Variants in NUF2 observed in about 807,000 individuals in gnomAD.
The protein encoded by NUF2 is kinetochore protein Nuf2.
A neutral mutation model predicts 61.8 loss-of-function variants in NUF2; 34 were observed. That is an observed-to-expected ratio of 0.55 (90% CI 0.42 to 0.73). The LOEUF (loss-of-function observed/expected upper bound fraction) is 0.73, where lower values mean the gene tolerates loss of function less well. Among genes scored for constraint, NUF2 ranks in the 30% least tolerant of loss-of-function variants. The probability of loss-of-function intolerance (pLI) is 0.00; values close to 1 mark genes in which losing one functional copy is unlikely to be tolerated. For synonymous variants in NUF2, 172 were observed against 181.6 expected (o/e 0.95, Z 0.42); for missense variants, 445 against 539.1 (o/e 0.83, Z 1.73).
intron 2 of NUF2, among the ~76,000 whole-genome samples, chr1:163,327,159 A>G (rs1262529369): frequency 6.6e-6 from 1 of 151,228 alleles, no homozygotes; most frequent in East Asian, 1.9e-4. Flanking sequence ...ATGTGCCATT[A>G]TTTCTGCCAC....
At chr1:163,325,962 T>C in intron 1 of NUF2, 70 bp from the exon 2 acceptor site, 1 of 1,199,572 alleles carries the variant, frequency 8.3e-7, no homozygotes, top group Non-Finnish European at 1.2e-6. Context: ...TTTGTCATTA[T>C]GTTTATTAGT....
intron 5 of NUF2, among the ~76,000 whole-genome samples, chr1:163,330,553 CT>C (rs1650560047): frequency 6.6e-6 from 1 of 152,016 alleles, no homozygotes; most frequent in African/African-American, 2.4e-5. Context: ...TCCTTTGCAT[CT>C]CTATATGTAT....
At chr1:163,352,217 T>C (rs553021471) in intron 13 of NUF2, among the ~76,000 whole-genome samples, 20 of 152,212 alleles carry the variant, frequency 1.3e-4, no homozygotes, top group Non-Finnish European at 2.4e-4. Flanking sequence ...GTGGTACTCT[T>C]CATACATGTA....
chr1:163,338,155 A>C (rs932037485), intron 7 of NUF2, 62 bp downstream of exon 7: 39 of 1,220,452 alleles, frequency 3.2e-5, no homozygotes, highest in Non-Finnish European at 4.6e-5. Context: ...AATTGTAAGT[A>C]GTATTTTACA....
At chr1:163,338,148 TG>T (rs968395702) in intron 7 of NUF2, 55 bp downstream of exon 7, 2 of 1,373,350 alleles carry the variant, frequency 1.5e-6, no homozygotes, top group African/African-American at 2.9e-5. Flanking sequence ...CAAAATGAAT[TG>T]TAAGTAGTAT....
In NUF2 at chr1:163,347,751, T is replaced by A; in HGVS notation, c.949-12T>A. Reference sequence around the variant, plus strand: ...GGTTATGTTGACTTTAAATACTTCTTATAAAATACAGAGCCTGAACTTGGA... The same window carrying A: ...GGTTATGTTGACTTTAAATACTTCTAATAAAATACAGAGCCTGAACTTGGA... On this transcript the variant is annotated splice_polypyrimidine_tract_variant and intron_variant, in intron 11 of 13. Coordinates refer to ENST00000271452, the MANE Select transcript of NUF2 (RefSeq NM_145697.3). 6.7e-7 allele frequency: 1 copy of A among 1,488,134 alleles called. No individual in the cohort carries two copies. Among genetic ancestry groups the A allele is most frequent in the Non-Finnish European group, 9.0e-7 (1 of 1,116,466 alleles). The allele number at this position is 1,488,134 out of a possible 1,614,324, so 92.2% of individuals were successfully genotyped here.
chr1:163,332,038 GT>G (rs1329381952), intron 5 of NUF2, among the ~76,000 whole-genome samples: 1 of 150,990 alleles, frequency 6.6e-6, no homozygotes, highest in Non-Finnish European at 1.5e-5. Context: ...TTTTTTTCTA[GT>G]TTTGTTTTTT....
chr1:163,344,839 T>A (rs1004035094), intron 10 of NUF2, among the ~76,000 whole-genome samples: 2 of 151,942 alleles, frequency 1.3e-5, no homozygotes, highest in Admixed American at 6.6e-5. Flanking sequence ...GAGAAAAGGA[T>A]GATTTATTTA....
At chr1:163,322,831 A>G (rs1220096758) in intron 1 of NUF2, 3 of 152,234 alleles carry the variant, frequency 2.0e-5, no homozygotes, top group African/African-American at 4.8e-5. Flanking sequence ...ATTACTGCAT[A>G]TATATTAAGT....
intron 5 of NUF2, among the ~76,000 whole-genome samples, chr1:163,332,208 T>C (rs912675576): frequency 5.9e-5 from 9 of 152,150 alleles, no homozygotes; most frequent in African/African-American, 2.2e-4. Flanking sequence ...ATTTTCTAAT[T>C]TCCCTTTTGA....
chr1:163,324,069 T>C (rs1449454511), intron 1 of NUF2, among the ~76,000 whole-genome samples: 1 of 152,262 alleles, frequency 6.6e-6, no homozygotes, highest in East Asian at 1.9e-4. Flanking sequence ...TACAAAATAG[T>C]GTGTGTTAGA....
rs184239637 is a variant in NUF2 at position 163,325,087 on chromosome 1, G to A, written c.-20-945G>A. On this transcript the variant is annotated intron_variant, in intron 1 of 13. Coordinates refer to ENST00000271452, the MANE Select transcript of NUF2 (RefSeq NM_145697.3). ...AATTTTTATGTGTTTTGTAGAGATA[G>A]GGTTTCATCATGTTGCCCAGGCTGG... 3.3e-5 allele frequency among the ~76,000 whole-genome samples: 5 copies of A among 152,060 alleles called. No homozygotes were observed. In the East Asian group the frequency reaches 9.7e-4, roughly 29 times the overall value.
intron 5 of NUF2, among the ~76,000 whole-genome samples, chr1:163,331,274 A>G (rs971753829): frequency 6.6e-6 from 1 of 151,926 alleles, no homozygotes; most frequent in African/African-American, 2.4e-5. Flanking sequence ...TAGTGAGATA[A>G]TCATGGGTTT....
rs377021975 is a variant in NUF2, at chr1:163,349,057, G to C, written c.1237G>C (p.Glu413Gln). 5 of 1,607,774 alleles carry C rather than the reference G, an allele frequency of 3.1e-6. No individual in the cohort carries two copies. In the African/African-American group the frequency reaches 5.4e-5, roughly 17 times the overall value. ...AATTCAACAACTAAAAGATGCTGCT[G>C]AAAGGGAGAAACTGAAGTCCCAGGT... is the stretch of plus-strand genomic sequence containing the variant. ...LGIQQLKDAA[E>Q]REKLKSQEIF... Residue 413 changes from glutamate (E) to glutamine (Q), a missense_variant, in exon 13 of 14, where the codon GAA becomes CAA. Transcript: ENST00000271452.
chr1:163,351,124 AT>A (rs1651302803), intron 13 of NUF2, among the ~76,000 whole-genome samples: 1 of 152,010 alleles, frequency 6.6e-6, no homozygotes, highest in Admixed American at 6.6e-5. Context: ...TTACTATCCT[AT>A]TTACTGTCAT....
At chr1:163,339,557 G>A in intron 8 of NUF2, 80 bp downstream of exon 8, 1 of 777,174 alleles carries the variant, frequency 1.3e-6, no homozygotes, top group Non-Finnish European at 2.2e-6. Flanking sequence ...GGAGGTAACA[G>A]CACATTGCTT....
chr1:163,326,907 A>C (rs1650435325), intron 2 of NUF2, among the ~76,000 whole-genome samples: 1 of 152,144 alleles, frequency 6.6e-6, no homozygotes, highest in South Asian at 2.1e-4. Flanking sequence ...ATGCTCACCC[A>C]ATAAACTTGT....
rs543780180 is a variant in NUF2, at chr1:163,324,495, T to C, written c.-20-1537T>C. Among the ~76,000 whole-genome samples the C allele has an allele frequency of 9.8e-5, 12 of 122,596 alleles. No individual in the cohort carries two copies. In the South Asian group the frequency reaches 2.2e-3, roughly 23 times the overall value. 80.4% of individuals were successfully genotyped at this position (122,596 alleles called of 152,430 possible). A position where few individuals can be genotyped will look rare whatever the true frequency, so the allele number is the denominator to read the frequency against. ...GTTAGGCAAGTTGCCAAAGCTCCCC[T>C]TTTTAACCCTAAAATTCTAAAAAAA... On this transcript the variant is annotated intron_variant, in intron 1 of 13. Transcript: ENST00000271452.
intron 10 of NUF2, among the ~76,000 whole-genome samples, chr1:163,345,101 A>G (rs1651078941): frequency 6.6e-6 from 1 of 152,130 alleles, no homozygotes; most frequent in South Asian, 2.1e-4. Context: ...TGACAGGTAG[A>G]GGGATTATAT....
Sources: allele counts gnomAD v4.1 joint callset (sites outside exome capture counted in the v4.1 genomes callset), GRCh38; gene constraint gnomAD v4.1.1; transcripts MANE v1.5; gene names NCBI Gene and HGNC (gene_info 2026-07-23, HGNC 2026-07-21).